Variants in PELI1 observed in about 807,000 individuals in gnomAD.
The protein encoded by PELI1 is E3 ubiquitin-protein ligase pellino homolog 1.
PELI1 carries 15 observed loss-of-function variants against 41.3 expected under a neutral mutation model. The observed-to-expected ratio is 0.36, with a 90% CI of 0.24 to 0.56. The LOEUF (loss-of-function observed/expected upper bound fraction) is 0.56. PELI1 is among the 20% of genes least tolerant of loss of function. The probability of loss-of-function intolerance (pLI) is 0.82; values close to 1 mark genes in which losing one functional copy is unlikely to be tolerated. For missense variants in PELI1, 403 were observed against 525.5 expected, an observed-to-expected ratio of 0.77 and a Z score of 2.28; for synonymous variants, 178 against 180.1, an observed-to-expected ratio of 0.99 and a Z score of 0.09.
At chr2:64,126,317 C>T (rs980097161) in intron 1 of PELI1, among the ~76,000 whole-genome samples, 1 of 152,196 alleles carries the variant, frequency 6.6e-6, no homozygotes, top group African/African-American at 2.4e-5. Flanking sequence ...GCACACACCA[C>T]CATGTCCAGC....
Position 64,093,804 on chromosome 2 carries a change from A to AT in PELI1, c.*897dup, listed in dbSNP as rs537346715. ...ATTTATACTTTTTCTTATGGCAATG[A>AT]TTTTTTTCTAGAAACAGTGAACAGA... is the stretch of plus-strand genomic sequence containing the variant. On this transcript the variant is annotated 3_prime_UTR_variant, in exon 7 of 7. Coordinates refer to ENST00000358912, the MANE Select transcript of PELI1 (RefSeq NM_020651.4). 2.0e-5 allele frequency: 3 copies of AT among 152,596 alleles called. No individual in the cohort carries two copies. The highest frequency in any genetic ancestry group is 4.4e-5 in the Non-Finnish European group (3 of 68,016). The allele number at this position is 152,596 out of a possible 1,614,324, so 9.5% of individuals were successfully genotyped here. A position where few individuals can be genotyped will look rare whatever the true frequency, so the allele number is the denominator to read the frequency against.
At chr2:64,135,615 T>A (rs1243658145) in intron 1 of PELI1, among the ~76,000 whole-genome samples, 1 of 152,148 alleles carries the variant, frequency 6.6e-6, no homozygotes, top group Non-Finnish European at 1.5e-5. Flanking sequence ...TAGATGAAAG[T>A]GAGACAGGCA....
intron 1 of PELI1, among the ~76,000 whole-genome samples, chr2:64,110,316 AACG>A (rs1177093317): frequency 1.3e-5 from 2 of 151,968 alleles, no homozygotes; most frequent in African/African-American, 4.8e-5. Context: ...CTGCATTTAT[AACG>A]ACAATTAGAC....
intron 1 of PELI1, among the ~76,000 whole-genome samples, chr2:64,109,579 T>C (rs1297758947): frequency 2.0e-5 from 3 of 149,998 alleles, no homozygotes; most frequent in East Asian, 2.0e-4. Context: ...ACTAAGGAGG[T>C]TGAGGCAGGA....
At chr2:64,130,478 A>T (rs946972562) in intron 1 of PELI1, among the ~76,000 whole-genome samples, 25 of 152,190 alleles carry the variant, frequency 1.6e-4, no homozygotes, top group African/African-American at 6.0e-4. Flanking sequence ...AACTGGGTAT[A>T]ATCTTTTTTG....
intron 1 of PELI1, among the ~76,000 whole-genome samples, chr2:64,110,138 G>A (rs369482049): frequency 6.6e-6 from 1 of 151,860 alleles, no homozygotes; most frequent in African/African-American, 2.4e-5. Flanking sequence ...TAGCTACTTG[G>A]GAGGCTAAAG....
At chr2:64,124,775 T>C (rs1229587399) in intron 1 of PELI1, among the ~76,000 whole-genome samples, 1 of 152,208 alleles carries the variant, frequency 6.6e-6, no homozygotes, top group Non-Finnish European at 1.5e-5. Context: ...TGACACCAAC[T>C]GGGCATCCAA....
Position 64,095,248 on chromosome 2 carries a change from C to G in PELI1, c.711G>C (p.Gln237His). The G allele has an allele frequency of 6.2e-7, 1 of 1,613,294 alleles. No individual in the cohort carries two copies. The highest frequency in any genetic ancestry group is 8.5e-7 in the Non-Finnish European group (1 of 1,179,358). Residue 237 changes from glutamine (Q) to histidine (H), a missense_variant, in exon 7 of 7, where the codon CAG (glutamine) becomes CAC (histidine). By Grantham distance (24) the Gln-to-His change is conservative. Coordinates refer to ENST00000358912, the MANE Select transcript of PELI1 (RefSeq NM_020651.4). ...RGKMVEIETN[Q>H]LQDGSLIDLC... Reference sequence around the variant, plus strand: ...GGTCAATTAACGAGCCATCTTGTAACTGATTGGTTTCAATTTCCACCTAGA... The same window carrying G: ...GGTCAATTAACGAGCCATCTTGTAAGTGATTGGTTTCAATTTCCACCTAGA...
At chr2:64,138,196 T>C (rs1395086032) in intron 1 of PELI1, among the ~76,000 whole-genome samples, 3 of 152,192 alleles carry the variant, frequency 2.0e-5, no homozygotes, top group Non-Finnish European at 4.4e-5. Context: ...CTCAGCTTCT[T>C]GAGTAGCTGG....
At chr2:64,143,487 AG>A (rs1366953433) in intron 1 of PELI1, 1 of 152,166 alleles carries the variant, frequency 6.6e-6, no homozygotes, top group Non-Finnish European at 1.5e-5. Flanking sequence ...TCACGACCTC[AG>A]TTTACCCACT....
intron 3 of PELI1, 55 bp downstream of exon 3, chr2:64,104,646 A>G: frequency 4.6e-6 from 7 of 1,523,006 alleles, no homozygotes; most frequent in Non-Finnish European, 6.1e-6. Context: ...ACAACACATA[A>G]AAGTCTTTCA....
intron 1 of PELI1, among the ~76,000 whole-genome samples, chr2:64,131,614 T>G (rs940220451): frequency 6.6e-6 from 1 of 150,994 alleles, no homozygotes; most frequent in African/African-American, 2.4e-5. Context: ...AATAGTAATC[T>G]CTCTCTTTTT....
chr2:64,104,486 C>A (rs553943653), intron 3 of PELI1: 4 of 589,550 alleles, frequency 6.8e-6, no homozygotes, highest in Non-Finnish European at 7.5e-6. Flanking sequence ...TTTCCACCCA[C>A]TGATCCTGGT....
At chr2:64,114,251 A>T (rs1388378077) in intron 1 of PELI1, among the ~76,000 whole-genome samples, 1 of 152,212 alleles carries the variant, frequency 6.6e-6, no homozygotes, top group Non-Finnish European at 1.5e-5. Flanking sequence ...AAACAGAAAG[A>T]ACTGCTTTAG....
chr2:64,142,449 A>T (rs1681942797), intron 1 of PELI1, among the ~76,000 whole-genome samples: 1 of 152,206 alleles, frequency 6.6e-6, no homozygotes, highest in African/African-American at 2.4e-5. Flanking sequence ...ATTATTATTT[A>T]CCTGAGGAAA....
intron 2 of PELI1, among the ~76,000 whole-genome samples, chr2:64,107,754 T>C (rs1186929013): frequency 1.3e-5 from 2 of 152,184 alleles, no homozygotes; most frequent in East Asian, 1.9e-4. Context: ...CTCAGCTCAC[T>C]GCAACCTCTG....
At chr2:64,133,951 T>A (rs1406628024) in intron 1 of PELI1, among the ~76,000 whole-genome samples, 1 of 152,096 alleles carries the variant, frequency 6.6e-6, no homozygotes, top group Non-Finnish European at 1.5e-5. Context: ...GATCTCTGAC[T>A]CAGACTGCTT....
intron 1 of PELI1, among the ~76,000 whole-genome samples, chr2:64,109,947 G>C (rs761191014): frequency 6.6e-6 from 1 of 151,704 alleles, no homozygotes; most frequent in Non-Finnish European, 1.5e-5. Flanking sequence ...AAAGAGTAAA[G>C]CTGAAAAAAT....
At chr2:64,130,561 T>G (rs1486623348) in intron 1 of PELI1, among the ~76,000 whole-genome samples, 1 of 152,210 alleles carries the variant, frequency 6.6e-6, no homozygotes, top group Non-Finnish European at 1.5e-5. Context: ...TATGACCCTG[T>G]GCTATCTTCT....
Sources: allele counts gnomAD v4.1 joint callset (sites outside exome capture counted in the v4.1 genomes callset), GRCh38; gene constraint gnomAD v4.1.1; transcripts MANE v1.5; gene names NCBI Gene and HGNC (gene_info 2026-07-23, HGNC 2026-07-21).